PRR12: variants seen among roughly 807,000 people sequenced by gnomAD.
PRR12 encodes proline-rich protein 12.
PRR12 carries 12 observed loss-of-function variants against 138.0 expected under a neutral mutation model. That is an observed-to-expected ratio of 0.09 (90% CI 0.06 to 0.14). The LOEUF is 0.14. Ranked by LOEUF, PRR12 falls within the 10% of genes least tolerant of loss-of-function variation. The pLI is 1.00. For missense variants in PRR12, 2,692 were observed against 2,861.3 expected, an observed-to-expected ratio of 0.94 and a Z score of 1.35; for synonymous variants, 1,567 against 1,291.7, an observed-to-expected ratio of 1.21 and a Z score of -4.57.
At position 49,591,205 on chromosome 19, in the gene PRR12, C is replaced by T. The variant is rs1364009647; in HGVS notation, c.-450C>T. 1.5e-5 allele frequency among the ~76,000 whole-genome samples: 2 copies of T among 131,180 alleles called. No homozygotes were observed. The highest frequency in any genetic ancestry group is 3.2e-5 in the Non-Finnish European group (2 of 61,640). The allele number at this position is 131,180 out of a possible 152,430, so 86.1% of individuals were successfully genotyped here. ...TCCCCCCTCCCCCAGCCGCCTTGTG[C>T]AAAGATGGCTGCACCGTGAGCGCAG... On this transcript the variant is annotated 5_prime_UTR_variant, in exon 1 of 14. Transcript: ENST00000418929.
chr19:49,591,620 C>CCCCCCCCCCCCCCCCCCCAAAA lies in PRR12; in HGVS notation c.-35_-34insCCCCCCCCCCCCCCCCCCAAAA. On this transcript the variant is annotated 5_prime_UTR_variant, in exon 1 of 14. Transcript: ENST00000418929. ...GCGCGCCCCCTCCCTCCCTCCCTCC[C>CCCCCCCCCCCCCCCCCCCAAAA]TCCCCCTCCCCCCAATTTCCACCGC... 1 of 655,040 alleles carries CCCCCCCCCCCCCCCCCCCAAAA rather than the reference C, an allele frequency of 1.5e-6. No homozygotes were observed. The highest frequency in any genetic ancestry group is 3.6e-5 in the East Asian group (1 of 28,060). The allele number at this position is 655,040 out of a possible 1,614,324, so 40.6% of individuals were successfully genotyped here.
In PRR12 at chr19:49,596,534, G is replaced by A. The variant is rs1262620875; in HGVS notation, c.2199G>A (p.Glu733=). Residue 733 remains glutamate (E), a synonymous_variant, in exon 4 of 14, where the codon GAG becomes GAA. Coordinates refer to ENST00000418929, the MANE Select transcript of PRR12 (RefSeq NM_020719.3). The surrounding 1 kb of genome is among the most constrained non-coding windows in gnomAD (Gnocchi z 5.6). ...GRLKEKKKGP[E]RGGETPEGLA... ...TGAAGGAGAAGAAGAAAGGGCCAGA[G>A]CGGGGTGGCGAGACCCCCGAGGGGC... The A allele has an allele frequency of 6.2e-7, 1 of 1,608,776 alleles. No homozygotes were observed. Among genetic ancestry groups the A allele is most frequent in the Non-Finnish European group, 8.5e-7 (1 of 1,178,276 alleles).
intron 4 of PRR12, among the ~76,000 whole-genome samples, chr19:49,598,667 A>C (rs2080791967): frequency 6.6e-6 from 1 of 152,104 alleles, no homozygotes. Context: ...TTAAAAACAC[A>C]AAAATTTAGC....
chr19:49,597,580 G>A lies in PRR12; in HGVS notation c.3245G>A (p.Arg1082Gln), dbSNP rs1457904723. 2 of 1,605,194 alleles carry A rather than the reference G, an allele frequency of 1.2e-6. No homozygotes were observed. The highest frequency in any genetic ancestry group is 1.7e-6 in the Non-Finnish European group (2 of 1,177,036). ...LLKTSSFHLL[R>Q]RRDPPFQTPK... is the part of the protein sequence containing the mutation. Reference sequence around the variant, plus strand: ...AAGACATCCTCCTTCCACCTGCTGCGGCGCCGCGACCCACCCTTCCAGACC... The same window carrying A: ...AAGACATCCTCCTTCCACCTGCTGCAGCGCCGCGACCCACCCTTCCAGACC... The change falls in exon 4 of 14, where the codon CGG becomes CAG. Residue 1082 changes from arginine (R) to glutamine (Q), a missense_variant. This residue lies in a region of PRR12 where 840 missense variants were observed against 689.8 expected (regional missense o/e 1.22). Transcript: ENST00000418929. The surrounding 1 kb of genome is among the most constrained non-coding windows in gnomAD (Gnocchi z 6.3).
At chr19:49,617,301 C>G (rs1459912390) in intron 9 of PRR12, among the ~76,000 whole-genome samples, 1 of 152,100 alleles carries the variant, frequency 6.6e-6, no homozygotes, top group Non-Finnish European at 1.5e-5. Flanking sequence ...ACCTAATAAA[C>G]CCCGTGAGAT....
chr19:49,596,668 C>T lies in PRR12; in HGVS notation c.2333C>T (p.Pro778Leu), dbSNP rs768213439. The T allele has an allele frequency of 8.7e-6, 14 of 1,605,290 alleles. No homozygotes were observed. Among genetic ancestry groups the T allele is most frequent in the South Asian group, 1.1e-5 (1 of 90,594 alleles). Reference sequence around the variant, plus strand: ...ACGGCCCAGTCTACCCAGCCCACTCCCCATGGCCTCCTTCTGGAGGCCGGG... The same window carrying T: ...ACGGCCCAGTCTACCCAGCCCACTCTCCATGGCCTCCTTCTGGAGGCCGGG... ...PPTAQSTQPT[P>L]HGLLLEAGGP... Residue 778 changes from proline to leucine, a missense_variant, in exon 4 of 14, where the codon CCC becomes CTC. This residue lies in a region of PRR12 where 840 missense variants were observed against 689.8 expected (regional missense o/e 1.22). Transcript: ENST00000418929. The surrounding 1 kb of genome is among the most constrained non-coding windows in gnomAD (Gnocchi z 5.6).
chr19:49,609,997 G>A (rs992549740), intron 6 of PRR12, among the ~76,000 whole-genome samples: 1 of 149,566 alleles, frequency 6.7e-6, no homozygotes, highest in Non-Finnish European at 1.5e-5. Flanking sequence ...TTTTTGAGAC[G>A]AAGTCTCGCT....
intron 6 of PRR12, among the ~76,000 whole-genome samples, chr19:49,611,775 T>G (rs555891021): frequency 1.5e-5 from 2 of 133,288 alleles, no homozygotes; most frequent in East Asian, 2.2e-4. Context: ...TACAAAAAAA[T>G]AGCCGGGCGT....
Position 49,595,905 on chromosome 19 carries a change from C to T in PRR12, c.1570C>T (p.Leu524=). 2 of 1,602,868 alleles carry T rather than the reference C, an allele frequency of 1.2e-6. No individual in the cohort carries two copies. Among genetic ancestry groups the T allele is most frequent in the Non-Finnish European group, 1.7e-6 (2 of 1,179,590 alleles). The change falls in exon 4 of 14, where the codon CTG becomes TTG. Residue 524 remains leucine, a synonymous_variant. Coordinates refer to ENST00000418929, the MANE Select transcript of PRR12 (RefSeq NM_020719.3). Reference sequence around the variant, plus strand: ...AGGGCCAGCCGCCCACTCCCAGGGGCTGCCCACAGCCAGCCCCTCGCTCAG... The same window carrying T: ...AGGGCCAGCCGCCCACTCCCAGGGGTTGCCCACAGCCAGCCCCTCGCTCAG... ...YPGPAAHSQG[L]PTASPSLSYS...
intron 6 of PRR12, among the ~76,000 whole-genome samples, chr19:49,609,596 C>CT (rs374777402): frequency 1.3e-4 from 15 of 112,968 alleles, no homozygotes; most frequent in African/African-American, 6.2e-4. Flanking sequence ...GTGAGACTGT[C>CT]TCAAAAAAAA....
chr19:49,599,201 G>C lies in PRR12; in HGVS notation c.3679-71G>C. On this transcript the variant is annotated intron_variant, in intron 4 of 13. Coordinates refer to ENST00000418929, the MANE Select transcript of PRR12 (RefSeq NM_020719.3). This position sits in a 1 kb window ranked among gnomAD's most constrained non-coding sequence, Gnocchi z 5.0. Reference sequence around the variant, plus strand: ...TGAGCACCTGTAAATTTGGATTTTTGGGGGCTGAGGGAGGATGGGACTGGG... The same window carrying C: ...TGAGCACCTGTAAATTTGGATTTTTCGGGGCTGAGGGAGGATGGGACTGGG... 1 of 1,426,188 alleles carries C rather than the reference G, an allele frequency of 7.0e-7. No homozygotes were observed. The highest frequency in any genetic ancestry group is 9.3e-7 in the Non-Finnish European group (1 of 1,078,678). 88.3% of individuals were successfully genotyped at this position (1,426,188 alleles called of 1,614,324 possible).
chr19:49,597,134 C>T lies in PRR12; in HGVS notation c.2799C>T (p.Cys933=). The change falls in exon 4 of 14, where the codon TGC becomes TGT. Residue 933 remains cysteine, a synonymous_variant. Coordinates refer to ENST00000418929, the MANE Select transcript of PRR12 (RefSeq NM_020719.3). This position sits in a 1 kb window ranked among gnomAD's most constrained non-coding sequence, Gnocchi z 6.3. ...GTTTCGTGCCGCTCACCTCCATCTGCTTCCCTGACTCCTTGCTCCAAGACG... is the reference window on the plus strand; with the variant it reads ...GTTTCGTGCCGCTCACCTCCATCTGTTTCCCTGACTCCTTGCTCCAAGACG... ...APRFVPLTSI[C]FPDSLLQDEE... The T allele has an allele frequency of 6.4e-7, 1 of 1,551,358 alleles. No individual in the cohort carries two copies. Among genetic ancestry groups the T allele is most frequent in the Non-Finnish European group, 8.7e-7 (1 of 1,147,546 alleles).
chr19:49,619,224 G>GTTTTTTTTTTTTTTTTTTTTTTT (rs34027784), intron 9 of PRR12, among the ~76,000 whole-genome samples: 1 of 79,768 alleles, frequency 1.3e-5, no homozygotes. Context: ...CCTCCTGTGA[G>GTTTTTTTTTTTTTTTTTTTTTTT]TTTTTTTTTT....
Position 49,616,574 on chromosome 19 carries a change from C to G in PRR12, c.5497+355C>G, listed in dbSNP as rs974296175. The stretch of plus-strand genomic sequence containing the variant: ...GGACTCTGTTCTTCAGTGCTGCGTT[C>G]TGCCTCATAATAGGCAAGATTTGAG... On this transcript the variant is annotated intron_variant, in intron 9 of 13. Coordinates refer to ENST00000418929, the MANE Select transcript of PRR12 (RefSeq NM_020719.3). The surrounding 1 kb of genome is among the most constrained non-coding windows in gnomAD (Gnocchi z 4.2). Among the ~76,000 whole-genome samples the G allele has an allele frequency of 2.6e-5, 4 of 152,118 alleles. No homozygotes were observed. Among genetic ancestry groups the G allele is most frequent in the African/African-American group, 9.7e-5 (4 of 41,424 alleles).
At chr19:49,598,043 A>G in intron 4 of PRR12, 30 bp downstream of exon 4, 1 of 1,281,932 alleles carries the variant, frequency 7.8e-7, no homozygotes, top group Non-Finnish European at 9.9e-7. Flanking sequence ...TGTAGGGGAT[A>G]GGGGAGGAGG....
rs762692561 is a variant in PRR12, at chr19:49,616,211, G to A, written c.5489G>A (p.Ser1830Asn). Reference sequence around the variant, plus strand: ...TCGGAGTCCTCCCCTGGAGCCCCCAGCGAGGACGGTGAGGCCCTAGGCAGC... The same window carrying A: ...TCGGAGTCCTCCCCTGGAGCCCCCAACGAGGACGGTGAGGCCCTAGGCAGC... ...SDSESSPGAP[S>N]EDERAVPGRL... Residue 1830 changes from serine to asparagine, a missense_variant, in exon 9 of 14, where the codon AGC (serine) becomes AAC (asparagine). By Grantham distance (46) the Ser-to-Asn change is conservative. This residue lies in a region of PRR12 where 259 missense variants were observed against 265.1 expected (regional missense o/e 0.98). Coordinates refer to ENST00000418929, the MANE Select transcript of PRR12 (RefSeq NM_020719.3). This position sits in a 1 kb window ranked among gnomAD's most constrained non-coding sequence, Gnocchi z 4.2. 6.5e-7 allele frequency: 1 copy of A among 1,532,768 alleles called. No individual in the cohort carries two copies. The highest frequency in any genetic ancestry group is 1.2e-5 in the South Asian group (1 of 80,384). The allele number at this position is 1,532,768 out of a possible 1,614,324, so 94.9% of individuals were successfully genotyped here. A position where few individuals can be genotyped will look rare whatever the true frequency, so the allele number is the denominator to read the frequency against.
chr19:49,607,858 G>A, intron 6 of PRR12, among the ~76,000 whole-genome samples: 1 of 151,404 alleles, frequency 6.6e-6, no homozygotes, highest in East Asian at 2.0e-4. Context: ...ATCTCTACTA[G>A]AAATATAAAA....
At chr19:49,606,523 C>G (rs751802684) in intron 6 of PRR12, among the ~76,000 whole-genome samples, 4 of 149,528 alleles carry the variant, frequency 2.7e-5, no homozygotes, top group African/African-American at 9.8e-5. Context: ...AGGCTGGTCT[C>G]GAACTCCTGA....
rs952037162 is a variant in PRR12, at chr19:49,614,818, T to C, written c.4891-58T>C. On this transcript the variant is annotated intron_variant, in intron 7 of 13. Coordinates refer to ENST00000418929, the MANE Select transcript of PRR12 (RefSeq NM_020719.3). This position sits in a 1 kb window ranked among gnomAD's most constrained non-coding sequence, Gnocchi z 5.0. ...CATGGTGGCCCAGGGCACGGGGGTG[T>C]TGGCCATCTGGCTGGGCAGTGTGAA... 6.2e-7 allele frequency: 1 copy of C among 1,611,222 alleles called. No individual in the cohort carries two copies. Among genetic ancestry groups the C allele is most frequent in the African/African-American group, 1.3e-5 (1 of 74,840 alleles).
Sources: allele counts gnomAD v4.1 joint callset (sites outside exome capture counted in the v4.1 genomes callset), GRCh38; gene constraint gnomAD v4.1.1; regional missense constraint gnomAD v4.1.1; non-coding constraint Gnocchi (gnomAD v3.1); transcripts MANE v1.5; gene names NCBI Gene and HGNC (gene_info 2026-07-23, HGNC 2026-07-21).